YTHDC1: variants seen among roughly 807,000 people sequenced by gnomAD.
The protein encoded by YTHDC1 is YTH domain-containing protein 1.
A neutral mutation model predicts 107.0 loss-of-function variants in YTHDC1; 12 were observed. The observed-to-expected ratio is 0.11, with a 90% CI of 0.07 to 0.18. The LOEUF is 0.18. Among genes scored for constraint, YTHDC1 ranks in the 10% least tolerant of loss-of-function variants. The probability of loss-of-function intolerance (pLI) is 1.00; values close to 1 mark genes in which losing one functional copy is unlikely to be tolerated. For synonymous variants in YTHDC1, 280 were observed against 289.5 expected (o/e 0.97, Z 0.33); for missense variants, 635 against 898.8 (o/e 0.71, Z 3.75).
chr4:68,319,573 T>C (rs10027564), intron 12 of YTHDC1, among the ~76,000 whole-genome samples: 6,618 of 152,196 alleles, frequency 0.043, 451 homozygotes, highest in African/African-American at 0.15. Context: ...CTGCCTAAGT[T>C]TCACAAGTGT....
intron 11 of YTHDC1, among the ~76,000 whole-genome samples, chr4:68,320,749 T>G (rs146500212): frequency 5.9e-5 from 9 of 152,266 alleles, no homozygotes; most frequent in Non-Finnish European, 1.0e-4. Flanking sequence ...TACAGAAAAT[T>G]TGATACTTAT....
intron 1 of YTHDC1, 96 bp downstream of exon 1, chr4:68,349,630 A>AGGCCCCC: frequency 4.6e-5 from 7 of 153,358 alleles, no homozygotes; most frequent in South Asian, 8.9e-5. Flanking sequence ...TAACCTCCCC[A>AGGCCCCC]ACCCCCACCC....
chr4:68,333,621 C>T (rs1358714751), intron 4 of YTHDC1, among the ~76,000 whole-genome samples: 4 of 151,992 alleles, frequency 2.6e-5, no homozygotes, highest in African/African-American at 9.7e-5. Flanking sequence ...AATAAAAACA[C>T]ACGAAATAAC....
chr4:68,340,608 TA>T (rs1014490377), intron 1 of YTHDC1, among the ~76,000 whole-genome samples: 2 of 152,068 alleles, frequency 1.3e-5, no homozygotes, highest in Non-Finnish European at 2.9e-5. Flanking sequence ...AGATGTTTAA[TA>T]AGTACTGGGT....
chr4:68,326,321 A>G (rs1424457176), intron 9 of YTHDC1, among the ~76,000 whole-genome samples: 1 of 152,194 alleles, frequency 6.6e-6, no homozygotes, highest in Non-Finnish European at 1.5e-5. Context: ...AGAACATCAC[A>G]GAAAACTGTG....
chr4:68,332,739 G>C (rs1195176261), intron 6 of YTHDC1, 55 bp downstream of exon 6: 2 of 1,530,208 alleles, frequency 1.3e-6, no homozygotes, highest in Non-Finnish European at 1.8e-6. Flanking sequence ...AACCAATAAG[G>C]AAAAATAATG....
chr4:68,331,441 CT>C (rs1352882373), intron 7 of YTHDC1, among the ~76,000 whole-genome samples: 1 of 152,080 alleles, frequency 6.6e-6, no homozygotes, highest in East Asian at 1.9e-4. Flanking sequence ...AAATGTCTAA[CT>C]TTAGTTTTAA....
At chr4:68,335,464 A>G (rs1023074082) in intron 4 of YTHDC1, among the ~76,000 whole-genome samples, 1 of 152,126 alleles carries the variant, frequency 6.6e-6, no homozygotes, top group Non-Finnish European at 1.5e-5. Flanking sequence ...TTAATTTGAA[A>G]TGTCTTCTCC....
intron 16 of YTHDC1, 44 bp from the exon 17 acceptor site, chr4:68,314,367 T>G (rs370195734): frequency 1.3e-6 from 2 of 1,566,454 alleles, no homozygotes; most frequent in Admixed American, 1.8e-5. Context: ...AAAAGGCAAA[T>G]AGTGTTAAGT....
chr4:68,320,415 A>G (rs192367956), intron 11 of YTHDC1, among the ~76,000 whole-genome samples: 316 of 152,244 alleles, frequency 2.1e-3, no homozygotes, highest in African/African-American at 7.1e-3. Context: ...CTGGAAGTAG[A>G]TATTCTCTGC....
chr4:68,316,291 C>G, intron 16 of YTHDC1, 23 bp downstream of exon 16: 1 of 1,602,984 alleles, frequency 6.2e-7, no homozygotes, highest in Non-Finnish European at 8.5e-7. Context: ...TTCCCTCACA[C>G]CTTTGCCTCC....
chr4:68,319,782 C>T (rs906893767), intron 12 of YTHDC1, among the ~76,000 whole-genome samples: 3 of 152,054 alleles, frequency 2.0e-5, no homozygotes, highest in Non-Finnish European at 4.4e-5. Context: ...ACACTAACTA[C>T]CATAGGGAAC....
intron 6 of YTHDC1, among the ~76,000 whole-genome samples, chr4:68,332,440 G>A (rs553677128): frequency 6.6e-6 from 1 of 152,176 alleles, no homozygotes; most frequent in East Asian, 1.9e-4. Context: ...CCATATTTAA[G>A]TATGAAAATG....
At chr4:68,346,727 A>G (rs999674844) in intron 1 of YTHDC1, among the ~76,000 whole-genome samples, 13 of 152,218 alleles carry the variant, frequency 8.5e-5, no homozygotes, top group African/African-American at 3.1e-4. Flanking sequence ...ATTTTACTTA[A>G]TAATAGCCCC....
intron 1 of YTHDC1, 96 bp downstream of exon 1, chr4:68,349,630 A>AGCCCCCCCCCCCC: frequency 4.6e-5 from 7 of 153,366 alleles, no homozygotes; most frequent in South Asian, 1.3e-4. Flanking sequence ...TAACCTCCCC[A>AGCCCCCCCCCCCC]ACCCCCACCC....
chr4:68,348,057 T>C (rs1013393403), intron 1 of YTHDC1, among the ~76,000 whole-genome samples: 1 of 152,250 alleles, frequency 6.6e-6, no homozygotes, highest in African/African-American at 2.4e-5. Flanking sequence ...GTATCCTATG[T>C]ATAGACAACA....
In YTHDC1 at chr4:68,337,596, T is replaced by C. The variant is rs759131969; in HGVS notation, c.435A>G (p.Lys145=). ...CCTCAGAACCATCTGGCGTAGGAGA[T>C]TTGGCCCTCCTTTCAGGATCCCTTT... ...VRKRDPERRA[K]SPTPDGSERI... The change falls in exon 3 of 17, where the codon AAA becomes AAG. Residue 145 remains lysine, a synonymous_variant. Transcript: ENST00000344157. The C allele has an allele frequency of 3.7e-6, 6 of 1,610,654 alleles. No homozygotes were observed. The highest frequency in any genetic ancestry group is 1.1e-5 in the South Asian group (1 of 90,452).
intron 15 of YTHDC1, among the ~76,000 whole-genome samples, chr4:68,316,954 C>G (rs1358199356): frequency 6.6e-6 from 1 of 152,184 alleles, no homozygotes; most frequent in East Asian, 1.9e-4. Flanking sequence ...ATCAACAGGC[C>G]TGGTGTGGTG....
At chr4:68,323,173 C>A (rs917368295) in intron 10 of YTHDC1, among the ~76,000 whole-genome samples, 2 of 152,090 alleles carry the variant, frequency 1.3e-5, no homozygotes, top group Non-Finnish European at 2.9e-5. Context: ...TCTGTGACAA[C>A]CACCCTCTGA....
Sources: allele counts gnomAD v4.1 joint callset (sites outside exome capture counted in the v4.1 genomes callset), GRCh38; gene constraint gnomAD v4.1.1; transcripts MANE v1.5; gene names NCBI Gene and HGNC (gene_info 2026-07-23, HGNC 2026-07-21).